MTO1: variants seen among roughly 807,000 people sequenced by gnomAD.
MTO1 encodes mitochondrial tRNA translation optimization 1, also known as 5-taurinomethyluridine-[tRNA] synthase subunit MTO1, mitochondrial.
A neutral mutation model predicts 71.6 loss-of-function variants in MTO1; 46 were observed. The observed-to-expected ratio is 0.64, with a 90% CI of 0.51 to 0.82. The LOEUF (loss-of-function observed/expected upper bound fraction) is 0.82, where lower values mean the gene tolerates loss of function less well. MTO1 is among the 40% of genes least tolerant of loss of function. The pLI is 0.00. For missense variants in MTO1, 773 were observed against 867.5 expected (o/e 0.89, Z 1.37); for synonymous variants, 297 against 312.1 (o/e 0.95, Z 0.51).
At chr6:73,486,151 T>A (rs983395545) in intron 9 of MTO1, among the ~76,000 whole-genome samples, 1 of 152,026 alleles carries the variant, frequency 6.6e-6, no homozygotes, top group East Asian at 1.9e-4. Context: ...CAGATTTTTT[T>A]AAAACTATCT....
chr6:73,495,792 A>G (rs1363947621), intron 10 of MTO1, among the ~76,000 whole-genome samples: 2 of 152,162 alleles, frequency 1.3e-5, no homozygotes, highest in Non-Finnish European at 2.9e-5. Context: ...TGAAGAGTCT[A>G]TTCTTGAGTC....
Position 73,506,714 on chromosome 6 carries a change from G to C in MTO1, c.*5979G>C, listed in dbSNP as rs569035162. 1 of 114,192 alleles carries C rather than the reference G, an allele frequency of 8.8e-6. No homozygotes were observed. Among genetic ancestry groups the C allele is most frequent in the African/African-American group, 3.4e-5 (1 of 29,446 alleles). 7.1% of individuals were successfully genotyped at this position (114,192 alleles called of 1,614,324 possible). ...TTTTTTTTTTTTTTTTTGAGATGGA[G>C]TTTCGCTCTTGTTGCCCAGGCTGGA... On this transcript the variant is annotated 3_prime_UTR_variant, in exon 12 of 12. Transcript: ENST00000498286.
chr6:73,471,171 C>A (rs1771152726), intron 3 of MTO1, among the ~76,000 whole-genome samples: 1 of 146,822 alleles, frequency 6.8e-6, no homozygotes, highest in Non-Finnish European at 1.5e-5. Context: ...AAAAAAAAAA[C>A]TTAATCTGTG....
intron 4 of MTO1, among the ~76,000 whole-genome samples, chr6:73,478,967 C>T (rs1365426286): frequency 6.7e-6 from 1 of 149,582 alleles, no homozygotes; most frequent in East Asian, 2.0e-4. Context: ...CGGCTCACTG[C>T]AACCTCCGCC....
intron 9 of MTO1, among the ~76,000 whole-genome samples, chr6:73,485,107 C>T (rs1771614317): frequency 6.6e-6 from 1 of 151,092 alleles, no homozygotes. Flanking sequence ...AAATATCACA[C>T]TAATTCGTGT....
intron 1 of MTO1, among the ~76,000 whole-genome samples, chr6:73,463,682 A>C (rs1158956362): frequency 6.6e-6 from 1 of 152,142 alleles, no homozygotes; most frequent in Non-Finnish European, 1.5e-5. Context: ...AGAGGAGGCT[A>C]TATGATTTCC....
intron 4 of MTO1, 121 bp downstream of exon 4, chr6:73,473,775 G>A (rs1771223831): frequency 1.4e-6 from 1 of 708,918 alleles, no homozygotes; most frequent in Non-Finnish European, 2.2e-6. Context: ...TGCTTATAGT[G>A]CAAAGAAATG....
intron 10 of MTO1, among the ~76,000 whole-genome samples, chr6:73,496,547 A>G (rs1380084629): frequency 6.6e-6 from 1 of 151,088 alleles, no homozygotes; most frequent in African/African-American, 2.4e-5. Context: ...GGTTAGTTAC[A>G]TATGTATACA....
chr6:73,466,788 CTCAG>C (rs1771013614), intron 3 of MTO1, among the ~76,000 whole-genome samples, 182 bp downstream of exon 3: 2 of 152,178 alleles, frequency 1.3e-5, no homozygotes, highest in Admixed American at 1.3e-4. Flanking sequence ...ATTTATGATG[CTCAG>C]TCAAATTCTA....
At chr6:73,487,190 G>A (rs558897894) in intron 9 of MTO1, among the ~76,000 whole-genome samples, 1 of 130,362 alleles carries the variant, frequency 7.7e-6, no homozygotes, top group East Asian at 2.3e-4. Flanking sequence ...TCAAGACCCT[G>A]CTTTCAATTT....
rs940737795 is a variant in MTO1, at chr6:73,470,232, A to T, written c.536-3133A>T. Among the ~76,000 whole-genome samples, 37 of 151,770 alleles carry T rather than the reference A, an allele frequency of 2.4e-4. 1 individual carries two copies. The highest frequency in any genetic ancestry group is 2.1e-4 in the South Asian group (1 of 4,814). The stretch of plus-strand genomic sequence containing the variant: ...TTCTTTTTATTTATTTTTGAGACAG[A>T]GTCTCACTGTGTAGCCCAGGCTGGA... On this transcript the variant is annotated intron_variant, in intron 3 of 11. Transcript: ENST00000498286.
At chr6:73,475,568 G>A (rs1432630569) in intron 4 of MTO1, among the ~76,000 whole-genome samples, 1 of 150,462 alleles carries the variant, frequency 6.6e-6, no homozygotes, top group Non-Finnish European at 1.5e-5. Context: ...AGGCTGGAAC[G>A]CAACAGCACA....
chr6:73,494,634 G>A (rs866951113), intron 10 of MTO1, among the ~76,000 whole-genome samples: 3 of 146,502 alleles, frequency 2.0e-5, no homozygotes, highest in South Asian at 2.2e-4. Context: ...GCACCACCAC[G>A]CCTGGCTAAT....
chr6:73,474,422 A>G (rs1771248733), intron 4 of MTO1, among the ~76,000 whole-genome samples: 1 of 152,122 alleles, frequency 6.6e-6, no homozygotes, highest in Admixed American at 6.6e-5. Flanking sequence ...TAACTTGGCT[A>G]ATTGGGTATT....
rs1172408969 is a variant in MTO1 at position 73,502,078 on chromosome 6, T to C, written c.*1343T>C. On this transcript the variant is annotated 3_prime_UTR_variant, in exon 12 of 12. Coordinates refer to ENST00000498286, the MANE Select transcript of MTO1 (RefSeq NM_012123.4). Reference sequence around the variant, plus strand: ...AGTGATTTCAAAAGGTCGTAACTTTTAGTCATAGCTACTCCTGGGCAAAAT... The same window carrying C: ...AGTGATTTCAAAAGGTCGTAACTTTCAGTCATAGCTACTCCTGGGCAAAAT... The C allele has an allele frequency of 6.6e-6, 1 of 152,234 alleles. No individual in the cohort carries two copies. Among genetic ancestry groups the C allele is most frequent in the Non-Finnish European group, 1.5e-5 (1 of 68,038 alleles). The allele number at this position is 152,234 out of a possible 1,614,324, so 9.4% of individuals were successfully genotyped here.
Position 73,468,601 on chromosome 6 carries a change from T to C in MTO1, c.535+1995T>C, listed in dbSNP as rs964187297. On this transcript the variant is annotated intron_variant, in intron 3 of 11. Transcript: ENST00000498286. ...GCTTGGTTTTGCCTTGAGTTAATAATTGCTTTATTTTATTTATTTATTTTG... is the reference window on the plus strand; with the variant it reads ...GCTTGGTTTTGCCTTGAGTTAATAACTGCTTTATTTTATTTATTTATTTTG... 1.1e-4 allele frequency among the ~76,000 whole-genome samples: 16 copies of C among 151,950 alleles called. No individual in the cohort carries two copies. The Admixed American group carries it at 1.1e-3, about 10-fold the overall frequency.
At chr6:73,479,276 C>T (rs1049338706) in intron 4 of MTO1, among the ~76,000 whole-genome samples, 3 of 151,958 alleles carry the variant, frequency 2.0e-5, no homozygotes, top group Admixed American at 2.0e-4. Flanking sequence ...AGGTGGATCG[C>T]CTGAGGTCAA....
At chr6:73,479,539 T>C (rs1427708028) in intron 4 of MTO1, among the ~76,000 whole-genome samples, 193 bp from the exon 5 acceptor site, 5 of 152,176 alleles carry the variant, frequency 3.3e-5, no homozygotes. Context: ...TAGTTAGATT[T>C]AGAGTTTTGC....
chr6:73,463,155 C>T (rs1251065392), intron 1 of MTO1, among the ~76,000 whole-genome samples: 1 of 151,862 alleles, frequency 6.6e-6, no homozygotes, highest in Non-Finnish European at 1.5e-5. Flanking sequence ...TCCCGAGTAG[C>T]TGGGATTACA....
Sources: allele counts gnomAD v4.1 joint callset (sites outside exome capture counted in the v4.1 genomes callset), GRCh38; gene constraint gnomAD v4.1.1; transcripts MANE v1.5; gene names NCBI Gene and HGNC (gene_info 2026-07-23, HGNC 2026-07-21).